The following EML6 variants were observed in gnomAD, a reference collection of about 807,000 sequenced individuals.
EML6 encodes EMAP like 6, also known as echinoderm microtubule-associated protein-like 6.
EML6 carries 154 observed loss-of-function variants against 240.1 expected under a neutral mutation model. The observed-to-expected ratio is 0.64, with a 90% CI of 0.56 to 0.73. The LOEUF (loss-of-function observed/expected upper bound fraction) is 0.73. Ranked by LOEUF, EML6 falls within the 30% of genes least tolerant of loss-of-function variation. The pLI is 0.00. For missense variants in EML6, 2,964 were observed against 2,474.6 expected (o/e 1.20, Z -4.20); for synonymous variants, 1,148 against 899.0 (o/e 1.28, Z -4.95).
rs61731832 is a variant in EML6, at chr2:54,948,932, A to G, written c.4055A>G (p.Asn1352Ser). ...CAGCCTGAGAAACTGCAGAAGAACA[A>G]TATCACCAAAAAAAAGAAACTGGTT... ...APQPEKLQKN[N>S]ITKKKKLVEE... Residue 1352 changes from asparagine (N) to serine (S), a missense_variant, in exon 29 of 42, where the codon AAT becomes AGT. Coordinates refer to ENST00000356458, the MANE Select transcript of EML6 (RefSeq NM_001039753.4). 7.7e-5 allele frequency: 120 copies of G among 1,551,498 alleles called. 1 individual carries two copies. The highest frequency in any genetic ancestry group is 5.9e-4 in the Admixed American group (30 of 51,004).
chr2:54,791,716 G>C (rs1163448543), intron 2 of EML6, among the ~76,000 whole-genome samples: 3 of 151,768 alleles, frequency 2.0e-5, no homozygotes, highest in South Asian at 2.1e-4. Context: ...ACTGAAGATT[G>C]ACAAAAAAAA....
chr2:54,876,315 G>A lies in EML6; in HGVS notation c.2345-3232G>A, dbSNP rs573946571. Among the ~76,000 whole-genome samples the A allele has an allele frequency of 5.3e-5, 8 of 152,208 alleles. No homozygotes were observed. In the South Asian group the frequency reaches 6.2e-4, roughly 12 times the overall value. On this transcript the variant is annotated intron_variant, in intron 16 of 41. Coordinates refer to ENST00000356458, the MANE Select transcript of EML6 (RefSeq NM_001039753.4). ...ATATACACAGAAATAGCCCACACCC[G>A]CAGAACTCGGGGAAGTCACCATCCC...
At position 54,725,190 on chromosome 2, in the gene EML6, C is replaced by A; in HGVS notation, c.129C>A (p.Val43=). The change falls in exon 2 of 42, where the codon GTC becomes GTA. Residue 43 remains valine, a synonymous_variant. Transcript: ENST00000356458. This position sits in a 1 kb window ranked among gnomAD's most constrained non-coding sequence, Gnocchi z 4.3. ...AGGTGGTCTACTTTGTGGCTGGGGT[C>A]GGGGTGGTTTACAACACCCGCGAGC... ...GKEVVYFVAG[V]GVVYNTREHS... 6.6e-7 allele frequency: 1 copy of A among 1,524,538 alleles called. No homozygotes were observed. The highest frequency in any genetic ancestry group is 1.2e-5 in the South Asian group (1 of 82,136). The allele number at this position is 1,524,538 out of a possible 1,614,324, so 94.4% of individuals were successfully genotyped here.
At chr2:54,961,417 C>A (rs1413890799) in intron 35 of EML6, among the ~76,000 whole-genome samples, 1 of 151,320 alleles carries the variant, frequency 6.6e-6, no homozygotes, top group Non-Finnish European at 1.5e-5. Flanking sequence ...AAACTCCTGA[C>A]CTCAGGTGAT....
At chr2:54,820,815 CA>C (rs1267056395) in intron 5 of EML6, among the ~76,000 whole-genome samples, 1 of 152,056 alleles carries the variant, frequency 6.6e-6, no homozygotes, top group Non-Finnish European at 1.5e-5. Flanking sequence ...TGAATATTTA[CA>C]TATTTGCATG....
intron 28 of EML6, among the ~76,000 whole-genome samples, chr2:54,946,979 A>G (rs776060746): frequency 2.0e-5 from 3 of 151,886 alleles, no homozygotes; most frequent in Non-Finnish European, 4.4e-5. Context: ...TCTCCTGTAT[A>G]TATAAATACA....
In EML6 at chr2:54,774,377, T is replaced by A. The variant is rs1170890356; in HGVS notation, c.198-38855T>A. On this transcript the variant is annotated intron_variant, in intron 2 of 41. Coordinates refer to ENST00000356458, the MANE Select transcript of EML6 (RefSeq NM_001039753.4). The surrounding 1 kb of genome is among the most constrained non-coding windows in gnomAD (Gnocchi z 4.1). The stretch of plus-strand genomic sequence containing the variant: ...TGATCAGTCATTAGGTACAGGCCAT[T>A]ATGGGAAGAAGGGTGACTGTGGGTG... Among the ~76,000 whole-genome samples the A allele has an allele frequency of 6.6e-6, 1 of 152,092 alleles. No individual in the cohort carries two copies. Among genetic ancestry groups the A allele is most frequent in the Non-Finnish European group, 1.5e-5 (1 of 68,028 alleles).
intron 25 of EML6, among the ~76,000 whole-genome samples, chr2:54,912,870 A>G (rs544311602): frequency 1.3e-5 from 2 of 152,306 alleles, no homozygotes; most frequent in East Asian, 1.9e-4. Flanking sequence ...CAATGAATAT[A>G]TGAGTACATG....
intron 2 of EML6, among the ~76,000 whole-genome samples, chr2:54,793,707 G>C (rs1361503641): frequency 2.0e-5 from 3 of 152,144 alleles, no homozygotes; most frequent in Admixed American, 2.0e-4. Context: ...CTTTGAGCCA[G>C]ATGTGGCTGG....
At chr2:54,846,167 A>C (rs1424184879) in intron 8 of EML6, among the ~76,000 whole-genome samples, 1 of 152,090 alleles carries the variant, frequency 6.6e-6, no homozygotes, top group Non-Finnish European at 1.5e-5. Flanking sequence ...GTCCACCCCC[A>C]CAAAAGTGGA....
At chr2:54,866,923 G>T in intron 14 of EML6, 39 bp downstream of exon 14, 1 of 1,252,440 alleles carries the variant, frequency 8.0e-7, no homozygotes, top group Non-Finnish European at 1.1e-6. Context: ...GTGTTCCTCT[G>T]TCTCTGCCTG....
intron 28 of EML6, among the ~76,000 whole-genome samples, chr2:54,938,667 A>C (rs1157556583): frequency 1.3e-5 from 2 of 152,222 alleles, no homozygotes; most frequent in African/African-American, 4.8e-5. Context: ...CTTTGGCTTC[A>C]ACAGAACCCT....
intron 41 of EML6, 45 bp downstream of exon 41, chr2:54,968,813 G>T (rs1676864847): frequency 1.9e-6 from 2 of 1,076,734 alleles, no homozygotes; most frequent in Non-Finnish European, 2.8e-6. Context: ...GGCCTGGCCA[G>T]CTCTCCCTCC....
At chr2:54,825,992 CT>C (rs1331220944) in intron 5 of EML6, among the ~76,000 whole-genome samples, 1 of 152,218 alleles carries the variant, frequency 6.6e-6, no homozygotes, top group African/African-American at 2.4e-5. Flanking sequence ...CTTGTTCATT[CT>C]GTTTAATTCA....
In EML6 at chr2:54,869,124, G is replaced by A. The variant is rs774253501; in HGVS notation, c.2052-57G>A. The A allele has an allele frequency of 8.2e-6, 10 of 1,219,724 alleles. No individual in the cohort carries two copies. In the Admixed American group the frequency reaches 1.2e-4, roughly 15 times the overall value. The allele number at this position is 1,219,724 out of a possible 1,614,324, so 75.6% of individuals were successfully genotyped here. On this transcript the variant is annotated intron_variant, in intron 14 of 41. Coordinates refer to ENST00000356458, the MANE Select transcript of EML6 (RefSeq NM_001039753.4). ...GTTAGCCTTGCCTCTGACACCTCCT[G>A]CTCCATGCATTTGCTGTTTGTTCAA...
At chr2:54,967,127 T>C in intron 39 of EML6, 24 bp downstream of exon 39, 1 of 1,485,140 alleles carries the variant, frequency 6.7e-7, no homozygotes, top group Non-Finnish European at 9.2e-7. Context: ...AGAAAAAACT[T>C]GAGGAAAAGG....
intron 2 of EML6, among the ~76,000 whole-genome samples, chr2:54,751,484 T>C (rs1053864276): frequency 1.3e-5 from 2 of 152,110 alleles, no homozygotes; most frequent in African/African-American, 4.8e-5. Flanking sequence ...AAATTAGAGC[T>C]TCTGCTTCCA....
chr2:54,767,162 C>T (rs1306464345), intron 2 of EML6, among the ~76,000 whole-genome samples: 1 of 152,088 alleles, frequency 6.6e-6, no homozygotes, highest in Non-Finnish European at 1.5e-5. Flanking sequence ...TTCTTTGAAG[C>T]ATCTTGAATA....
At chr2:54,835,253 A>G (rs1035155830) in intron 7 of EML6, among the ~76,000 whole-genome samples, 4 of 152,086 alleles carry the variant, frequency 2.6e-5, no homozygotes, top group African/African-American at 7.2e-5. Flanking sequence ...TTTCTGTGTT[A>G]TGTTCTTGGC....
Sources: gnomAD v4.1 joint callset for allele counts (sites outside exome capture counted in the v4.1 genomes callset) on GRCh38, gnomAD v4.1.1 for gene constraint, Gnocchi (gnomAD v3.1) non-coding constraint, MANE v1.5 for transcripts, NCBI Gene and HGNC (gene_info 2026-07-23, HGNC 2026-07-21) for gene names.